The following DOCK8 variants were observed in gnomAD, a reference collection of about 807,000 sequenced individuals.
DOCK8 encodes the protein dedicator of cytokinesis protein 8.
DOCK8 carries 141 observed loss-of-function variants against 245.6 expected under a neutral mutation model. The observed-to-expected ratio is 0.57, with a 90% confidence interval of 0.50 to 0.66. The LOEUF (loss-of-function observed/expected upper bound fraction) is 0.66, where lower values mean the gene tolerates loss of function less well. DOCK8 is among the 30% of genes least tolerant of loss of function. The pLI is 0.00. For missense variants in DOCK8, 2,965 were observed against 2,603.4 expected (o/e 1.14, Z -3.02); for synonymous variants, 1,168 against 970.2 (o/e 1.20, Z -3.79).
chr9:229,796 G>T (rs935526186), intron 1 of DOCK8, among the ~76,000 whole-genome samples: 2 of 152,022 alleles, frequency 1.3e-5, no homozygotes, highest in African/African-American at 2.4e-5. Context: ...TATCAATTAG[G>T]ATTGCTTTTA....
chr9:242,887 T>C (rs1174459320), intron 1 of DOCK8, among the ~76,000 whole-genome samples: 1 of 152,134 alleles, frequency 6.6e-6, no homozygotes, highest in Non-Finnish European at 1.5e-5. Flanking sequence ...TTCAAGAAAG[T>C]TGGACGCTGT....
chr9:396,849 T>C lies in DOCK8; in HGVS notation c.3035T>C (p.Phe1012Ser). Residue 1012 changes from phenylalanine to serine, a missense_variant, in exon 25 of 48, where the codon TTT becomes TCT. By Grantham distance (155) the Phe-to-Ser change is radical (BLOSUM62 -2). This residue lies in a region of DOCK8 where 2,825 missense variants were observed against 2,453.5 expected (regional missense o/e 1.15). Transcript: ENST00000432829. The stretch of plus-strand genomic sequence containing the variant: ...CGGGACAGTTTTCGGAGGACTCGTT[T>C]TTCTGACCGTTTCATGGATGACATA... ...DKRDSFRRTR[F>S]SDRFMDDITT... 1 of 1,614,172 alleles carries C rather than the reference T, an allele frequency of 6.2e-7. No individual in the cohort carries two copies. The highest frequency in any genetic ancestry group is 8.5e-7 in the Non-Finnish European group (1 of 1,180,032).
At chr9:356,673 C>G (rs1469806288) in intron 14 of DOCK8, among the ~76,000 whole-genome samples, 1 of 151,974 alleles carries the variant, frequency 6.6e-6, no homozygotes, top group Non-Finnish European at 1.5e-5. Flanking sequence ...CTTTTTATTC[C>G]TTTTCTTCAT....
At chr9:214,713 C>A, upstream of DOCK8, 2 of 1,545,946 alleles carry the variant, frequency 1.3e-6, no homozygotes, top group Non-Finnish European at 1.7e-6. Context: ...ATCGGGAGGC[C>A]AGTTCCGCGC....
chr9:393,379 TACTA>T (rs2054294070), intron 24 of DOCK8, among the ~76,000 whole-genome samples: 1 of 152,204 alleles, frequency 6.6e-6, no homozygotes, highest in Non-Finnish European at 1.5e-5. Flanking sequence ...CTGAGCATCT[TACTA>T]TATATGTGCC....
At chr9:291,783 C>G (rs753236133) in intron 4 of DOCK8, among the ~76,000 whole-genome samples, 2 of 151,448 alleles carry the variant, frequency 1.3e-5, no homozygotes, top group African/African-American at 2.4e-5. Flanking sequence ...AAACATTATG[C>G]CGGGCGCAGT....
chr9:259,399 A>C (rs1453986344), intron 1 of DOCK8, among the ~76,000 whole-genome samples: 1 of 152,228 alleles, frequency 6.6e-6, no homozygotes, highest in East Asian at 1.9e-4. Context: ...AAAACATGGA[A>C]GGTTTTCAAA....
Position 307,359 on chromosome 9 carries a change from T to G in DOCK8, c.528+2655T>G, listed in dbSNP as rs1286335884. Among the ~76,000 whole-genome samples, 53 of 52,780 alleles carry G rather than the reference T, an allele frequency of 1.0e-3. 2 individuals are homozygous for G. The highest frequency in any genetic ancestry group is 2.3e-3 in the African/African-American group (45 of 19,874). 34.6% of individuals were successfully genotyped at this position (52,780 alleles called of 152,430 possible). On this transcript the variant is annotated intron_variant, in intron 5 of 47. Coordinates refer to ENST00000432829, the MANE Select transcript of DOCK8 (RefSeq NM_203447.4). The stretch of plus-strand genomic sequence containing the variant: ...TTTTGTTTTTTTTTTTTTTTTTTTT[T>G]TTTTTTTTTTTTTTTTTGAGATGGA...
At chr9:243,770 A>C (rs76781072) in intron 1 of DOCK8, among the ~76,000 whole-genome samples, 9 of 152,098 alleles carry the variant, frequency 5.9e-5, no homozygotes, top group Non-Finnish European at 1.0e-4. Context: ...TGTTTCTCAG[A>C]GTGTGTCAAT....
At chr9:230,972 TG>T (rs1363544734) in intron 1 of DOCK8, among the ~76,000 whole-genome samples, 2 of 152,132 alleles carry the variant, frequency 1.3e-5, no homozygotes, top group Non-Finnish European at 2.9e-5. Flanking sequence ...ATGAAGTCCT[TG>T]CCCATGCCTA....
At chr9:326,178 T>G in intron 8 of DOCK8, among the ~76,000 whole-genome samples, 1 of 152,218 alleles carries the variant, frequency 6.6e-6, no homozygotes, top group Non-Finnish European at 1.5e-5. Flanking sequence ...TAATGTGCTT[T>G]TAATGAAAAC....
intron 14 of DOCK8, among the ~76,000 whole-genome samples, chr9:358,732 C>G (rs1480407338): frequency 6.7e-6 from 1 of 148,964 alleles, no homozygotes; most frequent in Non-Finnish European, 1.5e-5. Flanking sequence ...GCCTGTAGTC[C>G]CAGCTACTTG....
In DOCK8 at chr9:406,811, C is replaced by G. The variant is rs533373833; in HGVS notation, c.3391-119C>G. 9 of 1,303,662 alleles carry G rather than the reference C, an allele frequency of 6.9e-6. No individual in the cohort carries two copies. The Admixed American group carries it at 8.4e-5, about 12-fold the overall frequency. The allele number at this position is 1,303,662 out of a possible 1,614,324, so 80.8% of individuals were successfully genotyped here. On this transcript the variant is annotated intron_variant, in intron 27 of 47. Transcript: ENST00000432829. ...TCCGCCTTATCTGGCACCAGAGTACCTACCTCACTGGGGAGGGCTCACGAA... is the reference window on the plus strand; with the variant it reads ...TCCGCCTTATCTGGCACCAGAGTACGTACCTCACTGGGGAGGGCTCACGAA...
chr9:213,115 C>CA (rs1385660687), upstream of DOCK8: 2 of 152,016 alleles, frequency 1.3e-5, no homozygotes, highest in Non-Finnish European at 2.9e-5. Context: ...CTCTAAATTT[C>CA]AAAAAAGCTT....
chr9:282,184 G>A (rs76398302), intron 2 of DOCK8, among the ~76,000 whole-genome samples: 13 of 152,072 alleles, frequency 8.5e-5, no homozygotes, highest in East Asian at 7.7e-4. Flanking sequence ...GTGCAATTCC[G>A]TGAGAACAAC....
chr9:446,287 G>A (rs2057256189), intron 43 of DOCK8, 83 bp from the exon 44 acceptor site: 4 of 1,165,998 alleles, frequency 3.4e-6, no homozygotes, highest in South Asian at 2.5e-5. Flanking sequence ...GGCACGCCGT[G>A]TTCCTGCATG....
At chr9:402,391 C>G (rs139148411) in intron 26 of DOCK8, among the ~76,000 whole-genome samples, 1 of 152,144 alleles carries the variant, frequency 6.6e-6, no homozygotes, top group Non-Finnish European at 1.5e-5. Flanking sequence ...GAGCATCAGC[C>G]TTTGAGGCAT....
intron 4 of DOCK8, among the ~76,000 whole-genome samples, chr9:294,271 C>G (rs1196371522): frequency 1.3e-5 from 2 of 152,072 alleles, no homozygotes; most frequent in Non-Finnish European, 2.9e-5. Flanking sequence ...GCACATTTGC[C>G]CCATACATGT....
At chr9:254,444 A>G (rs1354006098) in intron 1 of DOCK8, among the ~76,000 whole-genome samples, 2 of 152,138 alleles carry the variant, frequency 1.3e-5, no homozygotes, top group East Asian at 3.9e-4. Flanking sequence ...CGTCCTACTT[A>G]CTTTAGCAAG....
Sources: gnomAD v4.1 joint callset for allele counts (sites outside exome capture counted in the v4.1 genomes callset) on GRCh38, gnomAD v4.1.1 for gene constraint, gnomAD v4.1.1 regional missense constraint, MANE v1.5 for transcripts, NCBI Gene and HGNC (gene_info 2026-07-23, HGNC 2026-07-21) for gene names.